LYRM4: variants seen among roughly 807,000 people sequenced by gnomAD.
LYRM4 encodes LYR motif-containing protein 4.
Under a neutral mutation model 11.7 loss-of-function variants are expected in LYRM4, and 9 were observed. The observed-to-expected ratio is 0.77, with a 90% CI of 0.46 to 1.34. The LOEUF (loss-of-function observed/expected upper bound fraction) is 1.34, where lower values mean the gene tolerates loss of function less well. LYRM4 is among the 40% of genes most tolerant of loss of function. The probability of loss-of-function intolerance (pLI) is 0.00; values close to 1 mark genes in which losing one functional copy is unlikely to be tolerated. For missense variants in LYRM4, 133 were observed against 112.5 expected (o/e 1.18, Z -0.82); for synonymous variants, 42 against 40.4 (o/e 1.04, Z -0.15).
chr6:5,088,885 A>G, the LYRM4 span: 2 of 152,236 alleles, frequency 1.3e-5, no homozygotes, highest in Admixed American at 6.5e-5. Context: ...ATAGTAACAC[A>G]TCAGTGCAAC....
the LYRM4 span, among the ~76,000 whole-genome samples, chr6:5,034,928 G>A: frequency 6.6e-6 from 1 of 151,686 alleles, no homozygotes; most frequent in Admixed American, 6.6e-5. Flanking sequence ...GGCGAGGCGA[G>A]TTTTGCAGAT....
intron 2 of LYRM4, among the ~76,000 whole-genome samples, chr6:5,129,045 G>A (rs948153070): frequency 1.3e-5 from 2 of 152,184 alleles, no homozygotes; most frequent in Admixed American, 6.5e-5. Context: ...GTCCCTGAGG[G>A]CTTAGAGGCT....
In LYRM4 at chr6:5,164,699, G is replaced by A. The variant is rs549594633; in HGVS notation, c.207+51919C>T. ...AAAATCCATATTGGCCGGGTGTGGC[G>A]GCTCATACCTGTAATCCCAGCACTT... On this transcript the variant is annotated intron_variant, in intron 2 of 2. Transcript: ENST00000330636. 1.9e-3 allele frequency among the ~76,000 whole-genome samples: 286 copies of A among 152,196 alleles called. 2 individuals are homozygous for A. Among genetic ancestry groups the A allele is most frequent in the Middle Eastern group, 3.4e-3 (1 of 294 alleles).
At chr6:5,085,747 C>A in the LYRM4 span, 2 of 1,538,552 alleles carry the variant, frequency 1.3e-6, no homozygotes, top group Non-Finnish European at 1.8e-6. Flanking sequence ...CTTTTCCTTG[C>A]CCGCCGACCC....
At chr6:5,032,436 A>G in the LYRM4 span, 4 of 152,250 alleles carry the variant, frequency 2.6e-5, no homozygotes, top group Non-Finnish European at 5.9e-5. Context: ...ATACAGTTTA[A>G]TGAGTTATGA....
At chr6:5,181,452 C>T (rs62385013) in intron 2 of LYRM4, among the ~76,000 whole-genome samples, 33,411 of 152,190 alleles carry the variant, frequency 0.22, 4,693 homozygotes, top group East Asian at 0.41. Context: ...ACAATCTTTA[C>T]ATCCTTATAA....
chr6:5,080,497 GGTTTTGTTA>G, the LYRM4 span, among the ~76,000 whole-genome samples: 9 of 152,106 alleles, frequency 5.9e-5, no homozygotes, highest in Non-Finnish European at 8.8e-5. Context: ...TGTAAGGCCT[GGTTTTGTTA>G]CTTGGCCAAG....
chr6:5,075,621 G>T, the LYRM4 span, among the ~76,000 whole-genome samples: 2 of 152,322 alleles, frequency 1.3e-5, no homozygotes, highest in African/African-American at 4.8e-5. Flanking sequence ...AATGGGCATA[G>T]AAATAAGATC....
intron 2 of LYRM4, among the ~76,000 whole-genome samples, chr6:5,176,006 G>A (rs1373643052): frequency 6.6e-6 from 1 of 151,954 alleles, no homozygotes; most frequent in Admixed American, 6.5e-5. Flanking sequence ...TGCACTATCA[G>A]CATTCCCGGC....
chr6:5,260,722 G>A lies in LYRM4; in HGVS notation c.12C>T (p.Ser4=). The change falls in exon 1 of 3, where the codon TCC becomes TCT. Residue 4 remains serine, a synonymous_variant. Coordinates refer to ENST00000330636, the MANE Select transcript of LYRM4 (RefSeq NM_020408.6). ...ACAGAGATAACACTTGTGCGCGACT[G>A]GAGGCTGCCATTTTGGAAAGAAAAA... The part of the protein sequence containing the change: MAA[S]SRAQVLSLYR... 6.4e-7 allele frequency: 1 copy of A among 1,551,052 alleles called. No individual in the cohort carries two copies. Among genetic ancestry groups the A allele is most frequent in the Non-Finnish European group, 8.7e-7 (1 of 1,148,758 alleles).
chr6:5,256,029 G>A (rs772913198), intron 1 of LYRM4, among the ~76,000 whole-genome samples: 6 of 151,384 alleles, frequency 4.0e-5, no homozygotes, highest in Non-Finnish European at 8.8e-5. Flanking sequence ...CAGTGGTGCC[G>A]ACTACAGCCC....
At chr6:5,189,336 T>G (rs562776081) in intron 2 of LYRM4, among the ~76,000 whole-genome samples, 1 of 152,070 alleles carries the variant, frequency 6.6e-6, no homozygotes, top group African/African-American at 2.4e-5. Flanking sequence ...AGCCTAAGGT[T>G]AGTGGTTAGC....
At chr6:5,157,047 C>G (rs139150644) in intron 2 of LYRM4, among the ~76,000 whole-genome samples, 29 of 152,260 alleles carry the variant, frequency 1.9e-4, no homozygotes, top group African/African-American at 7.0e-4. Context: ...AGAATTTCCC[C>G]CTTCGAGTCA....
chr6:5,247,799 TA>T (rs1229311992), intron 1 of LYRM4, among the ~76,000 whole-genome samples: 1 of 151,448 alleles, frequency 6.6e-6, no homozygotes, highest in Non-Finnish European at 1.5e-5. Context: ...ATCCATTAAA[TA>T]AAAAAAAATT....
chr6:5,068,798 T>A, the LYRM4 span, among the ~76,000 whole-genome samples: 8 of 152,282 alleles, frequency 5.3e-5, no homozygotes, highest in East Asian at 5.8e-4. This position sits in a 1 kb window ranked among gnomAD's most constrained non-coding sequence, Gnocchi z 4.0. Flanking sequence ...AAAAAGAATT[T>A]AAAAAAATGA....
chr6:5,260,930 G>A lies in LYRM4; in HGVS notation c.-197C>T, dbSNP rs1029525217. 3 of 1,358,794 alleles carry A rather than the reference G, an allele frequency of 2.2e-6. No individual in the cohort carries two copies. Among genetic ancestry groups the A allele is most frequent in the African/African-American group, 3.1e-5 (2 of 64,504 alleles). 84.2% of individuals were successfully genotyped at this position (1,358,794 alleles called of 1,614,324 possible). On this transcript the variant is annotated 5_prime_UTR_variant, in exon 1 of 3. Coordinates refer to ENST00000330636, the MANE Select transcript of LYRM4 (RefSeq NM_020408.6). ...CGCCAGGCGTCCCGCGCCGCTTCGG[G>A]GGCGGGCGCAGGCAGGGCTCGGGGC...
At position 5,241,253 on chromosome 6, in the gene LYRM4, C is replaced by G. The variant is rs80289083; in HGVS notation, c.86+19395G>C. On this transcript the variant is annotated intron_variant, in intron 1 of 2. Coordinates refer to ENST00000330636, the MANE Select transcript of LYRM4 (RefSeq NM_020408.6). The stretch of plus-strand genomic sequence containing the variant: ...TAAGAATCCTCATTTCATAGTGACT[C>G]TATACTAAATAAAACAATGCATATT... 2.7e-3 allele frequency among the ~76,000 whole-genome samples: 408 copies of G among 152,244 alleles called. 1 individual carries two copies. The highest frequency in any genetic ancestry group is 9.3e-3 in the African/African-American group (387 of 41,536).
chr6:5,240,879 G>A (rs889116432), intron 1 of LYRM4, among the ~76,000 whole-genome samples: 6 of 152,190 alleles, frequency 3.9e-5, no homozygotes, highest in African/African-American at 1.2e-4. Flanking sequence ...ACACTGGAAC[G>A]CGTCAGTCTT....
chr6:5,057,481 C>T, the LYRM4 span, among the ~76,000 whole-genome samples: 1 of 152,114 alleles, frequency 6.6e-6, no homozygotes, highest in Non-Finnish European at 1.5e-5. Flanking sequence ...CTTTAGAAGG[C>T]CAAGGCAGGC....
Sources: allele counts gnomAD v4.1 joint callset (sites outside exome capture counted in the v4.1 genomes callset), GRCh38; gene constraint gnomAD v4.1.1; non-coding constraint Gnocchi (gnomAD v3.1); transcripts MANE v1.5; gene names NCBI Gene and HGNC (gene_info 2026-07-23, HGNC 2026-07-21).